The following PTPRD variants were observed in gnomAD, a reference collection of about 807,000 sequenced individuals.
PTPRD encodes receptor-type tyrosine-protein phosphatase delta.
In PTPRD, 34 loss-of-function variants were observed where a neutral mutation model predicts 214.5. The ratio of observed to expected loss-of-function variants is 0.16; its 90% CI spans 0.12 to 0.21. The LOEUF (loss-of-function observed/expected upper bound fraction) is 0.21. Among genes scored for constraint, PTPRD ranks in the 10% least tolerant of loss-of-function variants. The pLI is 1.00. For missense variants in PTPRD, 2,545 were observed against 2,398.7 expected (o/e 1.06, Z -1.27); for synonymous variants, 1,128 against 845.7 (o/e 1.33, Z -5.79).
chr9:10,144,159 T>A (rs1253577669), intron 3 of PTPRD, among the ~76,000 whole-genome samples: 1 of 152,066 alleles, frequency 6.6e-6, no homozygotes, highest in Non-Finnish European at 1.5e-5. Flanking sequence ...ATTGTCAACA[T>A]TTTCACAAAT....
chr9:9,017,538 A>G (rs2099541229), intron 11 of PTPRD, among the ~76,000 whole-genome samples: 1 of 152,200 alleles, frequency 6.6e-6, no homozygotes, highest in African/African-American at 2.4e-5. Flanking sequence ...TTAATGATTT[A>G]TTTCACCTCC....
chr9:8,945,217 G>A (rs973567098), intron 11 of PTPRD, among the ~76,000 whole-genome samples: 9 of 152,028 alleles, frequency 5.9e-5, no homozygotes, highest in Non-Finnish European at 1.3e-4. Context: ...ATCATTCATG[G>A]TAACTTAATT....
chr9:9,450,074 T>C (rs956612951), intron 8 of PTPRD, among the ~76,000 whole-genome samples: 1 of 151,218 alleles, frequency 6.6e-6, no homozygotes, highest in African/African-American at 2.4e-5. Context: ...TGTTCTGTTT[T>C]ATGGCTGAGT....
At chr9:9,976,784 TCTAG>T (rs1587960937) in intron 4 of PTPRD, among the ~76,000 whole-genome samples, 1 of 151,276 alleles carries the variant, frequency 6.6e-6, no homozygotes, top group Non-Finnish European at 1.5e-5. Flanking sequence ...GTTCTTATTC[TCTAG>T]CTAGCTATCT....
chr9:10,393,122 A>T (rs1484406161), intron 2 of PTPRD, among the ~76,000 whole-genome samples: 1 of 151,910 alleles, frequency 6.6e-6, no homozygotes, highest in Non-Finnish European at 1.5e-5. Context: ...TGACATGCAT[A>T]GTCACTAAAA....
At chr9:10,424,799 A>C (rs1405134247) in intron 2 of PTPRD, among the ~76,000 whole-genome samples, 2 of 151,984 alleles carry the variant, frequency 1.3e-5, no homozygotes, top group African/African-American at 4.8e-5. Context: ...GCTGGAAATA[A>C]ATAAAAAATG....
intron 6 of PTPRD, among the ~76,000 whole-genome samples, chr9:9,764,958 G>A (rs141577182): frequency 2.0e-5 from 3 of 152,156 alleles, no homozygotes; most frequent in Admixed American, 6.5e-5. Context: ...ACATCCATGG[G>A]AAACTGAGAT....
chr9:9,218,376 A>C (rs563268674), intron 9 of PTPRD, among the ~76,000 whole-genome samples: 13 of 152,262 alleles, frequency 8.5e-5, no homozygotes, highest in African/African-American at 3.1e-4. Context: ...TCAATGTTAA[A>C]ACAAGACTAG....
intron 11 of PTPRD, among the ~76,000 whole-genome samples, chr9:8,873,480 C>A (rs2154209941): frequency 6.6e-6 from 1 of 152,262 alleles, no homozygotes; most frequent in African/African-American, 2.4e-5. Context: ...TGATACCTGG[C>A]ACATAACAGG....
intron 8 of PTPRD, among the ~76,000 whole-genome samples, chr9:9,428,865 G>C (rs1037739830): frequency 6.6e-5 from 10 of 152,178 alleles, no homozygotes; most frequent in Non-Finnish European, 1.0e-4. Flanking sequence ...TGAAAACAAA[G>C]ACACAACATA....
chr9:9,917,527 C>A (rs931808204), intron 5 of PTPRD, among the ~76,000 whole-genome samples: 1 of 148,798 alleles, frequency 6.7e-6, no homozygotes, highest in Non-Finnish European at 1.5e-5. Context: ...GAGTTAACAC[C>A]AATTCTTTTC....
intron 12 of PTPRD, among the ~76,000 whole-genome samples, chr9:8,645,480 C>T (rs1165245979): frequency 6.6e-6 from 1 of 152,178 alleles, no homozygotes; most frequent in Non-Finnish European, 1.5e-5. Flanking sequence ...TATTTCTATG[C>T]ATGTCTATAC....
intron 11 of PTPRD, among the ~76,000 whole-genome samples, chr9:8,991,089 C>T (rs1012417316): frequency 5.3e-5 from 8 of 151,588 alleles, no homozygotes; most frequent in African/African-American, 1.9e-4. Context: ...CATGTTGGTG[C>T]ATGCCTGTAG....
chr9:8,659,980 A>C (rs2097002619), intron 12 of PTPRD, among the ~76,000 whole-genome samples: 1 of 152,232 alleles, frequency 6.6e-6, no homozygotes, highest in Non-Finnish European at 1.5e-5. Flanking sequence ...ACCTATTATA[A>C]GAAAAAGAAT....
intron 11 of PTPRD, among the ~76,000 whole-genome samples, chr9:8,974,056 G>C (rs2099254435): frequency 6.6e-6 from 1 of 151,756 alleles, no homozygotes; most frequent in African/African-American, 2.4e-5. Context: ...AGTGCTTTAG[G>C]TCCCATTTGC....
At position 8,733,811 on chromosome 9, in the gene PTPRD, G is replaced by A. The variant is rs369723222; in HGVS notation, c.33C>T (p.Leu11=). The change falls in exon 12 of 46, where the codon CTC becomes CTT. Residue 11 remains leucine (L), a synonymous_variant. Coordinates refer to ENST00000381196, the MANE Select transcript of PTPRD (RefSeq NM_002839.4). ...CATCCGTGCGGAGGAAGAAAGTGAG[G>A]AGCAGCAGCAGCAGCCTGGCTACGT... is the stretch of plus-strand genomic sequence containing the variant. MVHVARLLLL[L]LTFFLRTDAE... 4 of 1,552,878 alleles carry A rather than the reference G, an allele frequency of 2.6e-6. No homozygotes were observed. In the African/African-American group the frequency reaches 5.5e-5, roughly 21 times the overall value.
chr9:9,823,241 CT>C (rs1219056195), intron 5 of PTPRD, among the ~76,000 whole-genome samples: 8 of 151,962 alleles, frequency 5.3e-5, no homozygotes, highest in African/African-American at 1.9e-4. Flanking sequence ...ATCTGCCTGG[CT>C]TCTGGGAAGG....
intron 10 of PTPRD, among the ~76,000 whole-genome samples, chr9:9,179,603 A>G (rs1301673359): frequency 1.3e-5 from 2 of 152,136 alleles, no homozygotes; most frequent in Non-Finnish European, 2.9e-5. Context: ...CAATGTTTAG[A>G]CATTGTGGGA....
In PTPRD at chr9:8,660,031, T is replaced by C. The variant is rs115625986; in HGVS notation, c.65-23187A>G. ...CATCCAAATTGGTGGAGACACCCTCTGTTCCTCAGGTACAAAAATGTGTAA... is the reference window on the plus strand; with the variant it reads ...CATCCAAATTGGTGGAGACACCCTCCGTTCCTCAGGTACAAAAATGTGTAA... On this transcript the variant is annotated intron_variant, in intron 12 of 45. Transcript: ENST00000381196. Among the ~76,000 whole-genome samples the C allele has an allele frequency of 2.7e-3, 405 of 152,358 alleles. 1 individual carries two copies. Among genetic ancestry groups the C allele is most frequent in the African/African-American group, 9.3e-3 (387 of 41,588 alleles).
Sources: gnomAD v4.1 joint callset for allele counts (sites outside exome capture counted in the v4.1 genomes callset) on GRCh38, gnomAD v4.1.1 for gene constraint, MANE v1.5 for transcripts, NCBI Gene and HGNC (gene_info 2026-07-23, HGNC 2026-07-21) for gene names.